Variants in MTO1 observed in about 807,000 individuals in gnomAD.
The protein encoded by MTO1 is 5-taurinomethyluridine-[tRNA] synthase subunit MTO1, mitochondrial.
MTO1 carries 46 observed loss-of-function variants against 71.6 expected under a neutral mutation model. The observed-to-expected ratio is 0.64, with a 90% CI of 0.51 to 0.82. MTO1 has a LOEUF of 0.82. Ranked by LOEUF, MTO1 falls within the 40% of genes least tolerant of loss-of-function variation. The probability of loss-of-function intolerance (pLI) is 0.00; values close to 1 mark genes in which losing one functional copy is unlikely to be tolerated. For missense variants in MTO1, 773 were observed against 867.5 expected, an observed-to-expected ratio of 0.89 and a Z score of 1.37; for synonymous variants, 297 against 312.1, an observed-to-expected ratio of 0.95 and a Z score of 0.51.
intron 4 of MTO1, among the ~76,000 whole-genome samples, chr6:73,477,149 A>C (rs1446071775): frequency 6.6e-6 from 1 of 150,704 alleles, no homozygotes; most frequent in African/African-American, 2.4e-5. Flanking sequence ...TAATCCTAGC[A>C]CTTTGGGAGG....
At chr6:73,481,936 T>G in intron 7 of MTO1, 104 bp from the exon 8 acceptor site, 1 of 1,251,902 alleles carries the variant, frequency 8.0e-7, no homozygotes, top group Non-Finnish European at 1.2e-6. Context: ...GGGCAATACT[T>G]GCTTTCTTCC....
chr6:73,490,236 G>T (rs1448732295), intron 9 of MTO1, among the ~76,000 whole-genome samples: 1 of 152,102 alleles, frequency 6.6e-6, no homozygotes, highest in Non-Finnish European at 1.5e-5. Flanking sequence ...CCATTCTGTA[G>T]GTTGCCTGTT....
At chr6:73,478,244 CAAA>C (rs34143098) in intron 4 of MTO1, among the ~76,000 whole-genome samples, 3 of 100,946 alleles carry the variant, frequency 3.0e-5, no homozygotes, top group Non-Finnish European at 4.2e-5. Context: ...GACTCTGTCT[CAAA>C]AAAAAAAAAA....
At chr6:73,486,506 G>C in intron 9 of MTO1, 1 of 352,500 alleles carries the variant, frequency 2.8e-6, no homozygotes, top group South Asian at 2.0e-5. Flanking sequence ...AGGAAGCCGA[G>C]GCAGGCGGAT....
At chr6:73,471,452 T>A in intron 3 of MTO1, 1 of 450,892 alleles carries the variant, frequency 2.2e-6, no homozygotes, top group South Asian at 1.6e-5. Context: ...TCTCTCCCTC[T>A]TTCTTAGGCT....
chr6:73,470,630 A>G (rs1020020205), intron 3 of MTO1, among the ~76,000 whole-genome samples: 3 of 152,182 alleles, frequency 2.0e-5, no homozygotes, highest in Non-Finnish European at 4.4e-5. Context: ...CAAAAAGCAT[A>G]TAGAGTGAAA....
At chr6:73,492,391 T>C (rs765212085) in intron 10 of MTO1, 39 bp downstream of exon 10, 1 of 1,310,668 alleles carries the variant, frequency 7.6e-7, no homozygotes, top group Admixed American at 1.7e-5. Flanking sequence ...CTTTATCATA[T>C]GTGCAAATTA....
rs147329295 is a variant in MTO1 at position 73,480,083 on chromosome 6, C to G, written c.1086C>G (p.Ile362Met). The G allele has an allele frequency of 5.0e-4, 810 of 1,614,034 alleles. 3 individuals are homozygous for G. In the African/African-American group the frequency reaches 9.5e-3, roughly 19 times the overall value. ...CAGCTGAGTTACAAGAGAAAATGAT[C>G]ACATGCATCAGAGGCTTGGAGAAAG... is the stretch of plus-strand genomic sequence containing the variant. The part of the protein sequence containing the change: ...TLPAELQEKM[I>M]TCIRGLEKAK... Residue 362 changes from isoleucine (I) to methionine (M), a missense_variant, in exon 6 of 12, where the codon ATC (isoleucine) becomes ATG (methionine). Coordinates refer to ENST00000498286, the MANE Select transcript of MTO1 (RefSeq NM_012123.4).
Position 73,461,788 on chromosome 6 carries a change from T to C in MTO1, c.-67T>C. Reference sequence around the variant, plus strand: ...ATGGCCGCGCCCTGCAGATTGTCTCTTGTTGCGTAAGTTTTTTTGACCGTC... The same window carrying C: ...ATGGCCGCGCCCTGCAGATTGTCTCCTGTTGCGTAAGTTTTTTTGACCGTC... On this transcript the variant is annotated 5_prime_UTR_variant, in exon 1 of 12. Coordinates refer to ENST00000498286, the MANE Select transcript of MTO1 (RefSeq NM_012123.4). 1 of 1,533,210 alleles carries C rather than the reference T, an allele frequency of 6.5e-7. No individual in the cohort carries two copies. 95.0% of individuals were successfully genotyped at this position (1,533,210 alleles called of 1,614,324 possible).
intron 9 of MTO1, among the ~76,000 whole-genome samples, chr6:73,491,396 C>CAAA (rs1223217073): frequency 8.2e-5 from 11 of 133,688 alleles, no homozygotes; most frequent in East Asian, 2.2e-4. Flanking sequence ...CCTGTCTCTA[C>CAAA]AAAAAAAAAA....
chr6:73,494,515 C>G (rs1208746815), intron 10 of MTO1, among the ~76,000 whole-genome samples: 3 of 142,280 alleles, frequency 2.1e-5, no homozygotes, highest in Non-Finnish European at 4.5e-5. Context: ...CTCGCTTTGT[C>G]GCCCAGGCTG....
chr6:73,488,684 A>C (rs1049978845), intron 9 of MTO1, among the ~76,000 whole-genome samples: 73 of 151,900 alleles, frequency 4.8e-4, no homozygotes, highest in African/African-American at 1.7e-3. Context: ...TGAGGCAAGC[A>C]GATTACCTGA....
At position 73,474,777 on chromosome 6, in the gene MTO1, C is replaced by T. The variant is rs370757608; in HGVS notation, c.825+1123C>T. Among the ~76,000 whole-genome samples the T allele has an allele frequency of 5.3e-4, 79 of 149,714 alleles. 2 individuals are homozygous for T. In the East Asian group the frequency reaches 0.014, roughly 26 times the overall value. On this transcript the variant is annotated intron_variant, in intron 4 of 11. Transcript: ENST00000498286. ...CTTTTTTTTTTTTCTTTTTTTGAGA[C>T]GGAGTTTCGCCATTGTTGCCCAGGC...
chr6:73,466,274 G>T lies in MTO1; in HGVS notation c.283G>T (p.Ala95Ser), dbSNP rs1561939198. Residue 95 changes from alanine (A) to serine (S), a missense_variant, in exon 2 of 12, where the codon GCC becomes TCC. Transcript: ENST00000498286. ...GGGACATTTAATGAGGGAAGTAGAT[G>T]CCTTGGATGGCCTGTGTTCTCGCAT... The part of the protein sequence containing the change: ...GKGHLMREVD[A>S]LDGLCSRICD... The T allele has an allele frequency of 1.2e-6, 2 of 1,613,974 alleles. No homozygotes were observed. The highest frequency in any genetic ancestry group is 4.5e-5 in the East Asian group (2 of 44,898).
intron 9 of MTO1, among the ~76,000 whole-genome samples, chr6:73,490,291 T>G (rs569628115): frequency 8.5e-5 from 13 of 152,348 alleles, no homozygotes; most frequent in African/African-American, 3.1e-4. Context: ...CTCTTTAGTT[T>G]AATTAGATCC....
At chr6:73,478,465 T>G (rs1771393757) in intron 4 of MTO1, among the ~76,000 whole-genome samples, 1 of 152,158 alleles carries the variant, frequency 6.6e-6, no homozygotes, top group African/African-American at 2.4e-5. Flanking sequence ...GTTATCCTGA[T>G]GTATGGCTTC....
At chr6:73,496,339 G>A (rs1421416179) in intron 10 of MTO1, among the ~76,000 whole-genome samples, 3 of 151,986 alleles carry the variant, frequency 2.0e-5, no homozygotes, top group African/African-American at 7.3e-5. Context: ...AATAATTGCT[G>A]AATTATCTTC....
intron 9 of MTO1, chr6:73,486,563 C>T (rs1217544210): frequency 6.9e-6 from 3 of 433,954 alleles, no homozygotes; most frequent in South Asian, 3.2e-5. Flanking sequence ...CATGGTGAAA[C>T]CTCGTCTCTA....
intron 1 of MTO1, among the ~76,000 whole-genome samples, chr6:73,464,739 G>A (rs1770928488): frequency 6.6e-6 from 1 of 150,878 alleles, no homozygotes; most frequent in Non-Finnish European, 1.5e-5. Flanking sequence ...GGAGGCTGAG[G>A]CAGGAGAATC....
Sources: allele counts gnomAD v4.1 joint callset (sites outside exome capture counted in the v4.1 genomes callset), GRCh38; gene constraint gnomAD v4.1.1; transcripts MANE v1.5; gene names NCBI Gene and HGNC (gene_info 2026-07-23, HGNC 2026-07-21).